The following CUX2 variants were observed in gnomAD, a reference collection of about 807,000 sequenced individuals.
The protein encoded by CUX2 is cut like homeobox 2.
Under a neutral mutation model 144.8 loss-of-function variants are expected in CUX2, and 40 were observed. That is an observed-to-expected ratio of 0.28 (90% confidence interval 0.21 to 0.36). The LOEUF is 0.36. Ranked by LOEUF, CUX2 falls within the 10% of genes least tolerant of loss-of-function variation. The pLI is 1.00. For missense variants in CUX2, 1,615 were observed against 1,994.0 expected (o/e 0.81, Z 3.62); for synonymous variants, 827 against 875.6 (o/e 0.94, Z 0.98).
At chr12:111,170,745 G>T (rs555762230) in intron 1 of CUX2, among the ~76,000 whole-genome samples, 1 of 151,872 alleles carries the variant, frequency 6.6e-6, no homozygotes, top group Non-Finnish European at 1.5e-5. Context: ...CCCATTCTCC[G>T]ACAGAAAGAG....
At chr12:111,048,083 G>C (rs1211999913) in intron 1 of CUX2, among the ~76,000 whole-genome samples, 1 of 152,194 alleles carries the variant, frequency 6.6e-6, no homozygotes, top group African/African-American at 2.4e-5. Flanking sequence ...AAGTCACAGG[G>C]GGAGGTGGTT....
Position 111,250,335 on chromosome 12 carries a change from C to T in CUX2, c.223-13426C>T, listed in dbSNP as rs3809284. On this transcript the variant is annotated intron_variant, in intron 3 of 21. Coordinates refer to ENST00000261726, the MANE Select transcript of CUX2 (RefSeq NM_015267.4). ...GGCTCTGAGTCCAAAGACAGCCCCCCGCCCCCCAATTCACACCCTGCCTTG... is the reference window on the plus strand; with the variant it reads ...GGCTCTGAGTCCAAAGACAGCCCCCTGCCCCCCAATTCACACCCTGCCTTG... Among the ~76,000 whole-genome samples, 1,477 of 152,224 alleles carry T rather than the reference C, an allele frequency of 9.7e-3. 65 individuals carry two copies. In the East Asian group the frequency reaches 0.11, roughly 12 times the overall value.
Position 111,039,132 on chromosome 12 carries a change from G to T in CUX2, c.63+4892G>T, listed in dbSNP as rs1486393289. Among the ~76,000 whole-genome samples the T allele has an allele frequency of 1.3e-5, 2 of 152,100 alleles. No individual in the cohort carries two copies. The highest frequency in any genetic ancestry group is 2.9e-5 in the Non-Finnish European group (2 of 68,024). ...GGCTGCCCAGAAACTGTGGTTTTCT[G>T]TGCTGCTTCTGAAAGGGCTGAATTT... On this transcript the variant is annotated intron_variant, in intron 1 of 21. Transcript: ENST00000261726. This position sits in a 1 kb window ranked among gnomAD's most constrained non-coding sequence, Gnocchi z 4.2.
chr12:111,278,804 A>G (rs527827055), intron 4 of CUX2, among the ~76,000 whole-genome samples: 2 of 152,314 alleles, frequency 1.3e-5, no homozygotes, highest in South Asian at 4.1e-4. Flanking sequence ...TAGCTGATGC[A>G]TCGAATAATA....
intron 1 of CUX2, among the ~76,000 whole-genome samples, chr12:111,197,962 A>G (rs1880343020): frequency 6.6e-6 from 1 of 152,136 alleles, no homozygotes. Flanking sequence ...TTCATCTGGA[A>G]TTTCCTGCTA....
chr12:111,270,160 C>G (rs984978458), intron 4 of CUX2: 6 of 152,108 alleles, frequency 3.9e-5, no homozygotes, highest in African/African-American at 1.4e-4. Context: ...CTCCAACCCC[C>G]TCCATAAAAA....
intron 3 of CUX2, among the ~76,000 whole-genome samples, chr12:111,262,443 A>G (rs1022498078): frequency 3.3e-5 from 5 of 150,980 alleles, no homozygotes; most frequent in Admixed American, 6.6e-5. Context: ...CAGTGGTGCA[A>G]TCATAGCTCA....
rs114531625 is a variant in CUX2, at chr12:111,043,534, C to T, written c.63+9294C>T. ...ATATAATACGACACTGCATGGTGGC[C>T]GGGTGCGGTGGCTCATGCCTGTAAT... is the stretch of plus-strand genomic sequence containing the variant. On this transcript the variant is annotated intron_variant, in intron 1 of 21. Transcript: ENST00000261726. Among the ~76,000 whole-genome samples the T allele has an allele frequency of 1.5e-3, 222 of 152,254 alleles. 2 individuals are homozygous for T. The highest frequency in any genetic ancestry group is 4.6e-3 in the African/African-American group (193 of 41,562).
intron 19 of CUX2, among the ~76,000 whole-genome samples, chr12:111,337,744 A>AGCACTTTTG (rs1888415093): frequency 6.6e-6 from 1 of 152,234 alleles, no homozygotes; most frequent in African/African-American, 2.4e-5. Flanking sequence ...AAATTAAAAA[A>AGCACTTTTG]GCACTTTTGG....
chr12:111,102,204 C>T lies in CUX2; in HGVS notation c.63+67964C>T, dbSNP rs79440640. 7.8e-3 allele frequency among the ~76,000 whole-genome samples: 1,191 copies of T among 152,256 alleles called. 17 individuals are homozygous for T. Among genetic ancestry groups the T allele is most frequent in the African/African-American group, 0.027 (1,137 of 41,548 alleles). Reference sequence around the variant, plus strand: ...GTGGGTGTCCTGCGTGGGTGGGCCGCGCCAAATGCTGTGCCTGTCTCTCCT... The same window carrying T: ...GTGGGTGTCCTGCGTGGGTGGGCCGTGCCAAATGCTGTGCCTGTCTCTCCT... On this transcript the variant is annotated intron_variant, in intron 1 of 21. Transcript: ENST00000261726.
chr12:111,317,388 G>A (rs2136391482), intron 16 of CUX2, among the ~76,000 whole-genome samples: 1 of 149,738 alleles, frequency 6.7e-6, no homozygotes, highest in South Asian at 2.1e-4. Flanking sequence ...GTGTCTGTGT[G>A]TATGTGTGTA....
chr12:111,338,597 G>A, intron 20 of CUX2, 123 bp downstream of exon 20: 1 of 783,894 alleles, frequency 1.3e-6, no homozygotes, highest in African/African-American at 1.7e-5. Context: ...CTATGGGACT[G>A]CATGAAATAG....
intron 1 of CUX2, among the ~76,000 whole-genome samples, chr12:111,168,293 G>C (rs1209293862): frequency 6.6e-6 from 1 of 152,172 alleles, no homozygotes; most frequent in Non-Finnish European, 1.5e-5. Flanking sequence ...CTGTCACACT[G>C]ATAAAGGTAG....
intron 1 of CUX2, among the ~76,000 whole-genome samples, chr12:111,195,216 C>T (rs1275606601): frequency 6.6e-6 from 1 of 152,188 alleles, no homozygotes; most frequent in Non-Finnish European, 1.5e-5. Context: ...CCCTCCCTTT[C>T]CTGCCCAACG....
chr12:111,144,139 CA>C (rs1276301532), intron 1 of CUX2, among the ~76,000 whole-genome samples: 1 of 152,144 alleles, frequency 6.6e-6, no homozygotes, highest in Non-Finnish European at 1.5e-5. Flanking sequence ...CTTTAAAGGC[CA>C]GGCCTGGGCC....
intron 14 of CUX2, among the ~76,000 whole-genome samples, chr12:111,309,783 C>G (rs1330609786): frequency 6.6e-6 from 1 of 151,412 alleles, no homozygotes; most frequent in East Asian, 1.9e-4. Flanking sequence ...GTCTTGCTCT[C>G]CCTCTCTCTC....
intron 1 of CUX2, among the ~76,000 whole-genome samples, chr12:111,182,441 T>A (rs1039511775): frequency 6.6e-5 from 10 of 152,342 alleles, no homozygotes; most frequent in Middle Eastern, 3.4e-3. Flanking sequence ...ATCCTGACGT[T>A]CTCCAGTTGA....
At position 111,320,833 on chromosome 12, in the gene CUX2, G is replaced by A; in HGVS notation, c.2766+58G>A. On this transcript the variant is annotated intron_variant, in intron 17 of 21. Coordinates refer to ENST00000261726, the MANE Select transcript of CUX2 (RefSeq NM_015267.4). This position sits in a 1 kb window ranked among gnomAD's most constrained non-coding sequence, Gnocchi z 8.1. Reference sequence around the variant, plus strand: ...TCTGGGAGAAGATGTCGGAGAAGTAGGATGCCCACCCAAGCAGGCTGGCGG... The same window carrying A: ...TCTGGGAGAAGATGTCGGAGAAGTAAGATGCCCACCCAAGCAGGCTGGCGG... 7.1e-7 allele frequency: 1 copy of A among 1,414,738 alleles called. No individual in the cohort carries two copies. Among genetic ancestry groups the A allele is most frequent in the South Asian group, 1.5e-5 (1 of 65,108 alleles). 87.6% of individuals were successfully genotyped at this position (1,414,738 alleles called of 1,614,324 possible).
rs780871988 is a variant in CUX2 at position 111,214,251 on chromosome 12, G to A, written c.115G>A (p.Glu39Lys). 8 of 1,609,188 alleles carry A rather than the reference G, an allele frequency of 5.0e-6. No individual in the cohort carries two copies. Among genetic ancestry groups the A allele is most frequent in the Non-Finnish European group, 5.1e-6 (6 of 1,178,466 alleles). Reference sequence around the variant, plus strand: ...GCTGTCTGCACGGCAGGAGGAGAGTGAACATTCTCATAAACATTTAATTGA... The same window carrying A: ...GCTGTCTGCACGGCAGGAGGAGAGTAAACATTCTCATAAACATTTAATTGA... ...SELSARQEES[E>K]HSHKHLIELR... Residue 39 changes from glutamate to lysine, a missense_variant, in exon 2 of 22, where the codon GAA becomes AAA. Physicochemically the swap from Glu to Lys is moderately conservative, Grantham distance 56 (BLOSUM62 1). Around this residue, in one of 12 missense-constraint regions of CUX2, gnomAD observed 64 missense variants for 64.9 expected, o/e 0.99. Coordinates refer to ENST00000261726, the MANE Select transcript of CUX2 (RefSeq NM_015267.4).
Sources: allele counts gnomAD v4.1 joint callset (sites outside exome capture counted in the v4.1 genomes callset), GRCh38; gene constraint gnomAD v4.1.1; regional missense constraint gnomAD v4.1.1; non-coding constraint Gnocchi (gnomAD v3.1); transcripts MANE v1.5; gene names NCBI Gene and HGNC (gene_info 2026-07-23, HGNC 2026-07-21).